KATNIP: variants seen among roughly 807,000 people sequenced by gnomAD.
KATNIP encodes the protein katanin-interacting protein.
KATNIP carries 126 observed loss-of-function variants against 174.0 expected under a neutral mutation model. That is an observed-to-expected ratio of 0.72 (90% CI 0.63 to 0.84). The LOEUF is 0.84. Ranked by LOEUF, KATNIP falls within the 40% of genes least tolerant of loss-of-function variation. The pLI, the probability that KATNIP is intolerant of heterozygous loss-of-function variation, is 0.00. For missense variants in KATNIP, 1,958 were observed against 2,109.7 expected (o/e 0.93, Z 1.41); for synonymous variants, 810 against 835.7 (o/e 0.97, Z 0.53).
rs767505623 is a variant in KATNIP at position 27,777,876 on chromosome 16, C to T, written c.4713-5C>T. On this transcript the variant is annotated splice_polypyrimidine_tract_variant and splice_region_variant and intron_variant, in intron 26 of 27. Transcript: ENST00000261588. This position sits in a 1 kb window ranked among gnomAD's most constrained non-coding sequence, Gnocchi z 4.4. ...TCGAATCTTGTGTTTCCTTCCTACC[C>T]TCAGTAATCAGGCCGAGGATCAAGA... 2 of 1,614,004 alleles carry T rather than the reference C, an allele frequency of 1.2e-6. No homozygotes were observed. Among genetic ancestry groups the T allele is most frequent in the Non-Finnish European group, 1.7e-6 (2 of 1,179,806 alleles).
chr16:27,765,168 G>GC (rs1331918405), intron 19 of KATNIP, among the ~76,000 whole-genome samples: 6 of 152,230 alleles, frequency 3.9e-5, no homozygotes, highest in African/African-American at 1.2e-4. Context: ...TCAAAAGGCT[G>GC]CCAGCTGGGC....
chr16:27,666,765 G>A (rs559500773), intron 6 of KATNIP, among the ~76,000 whole-genome samples: 19 of 152,190 alleles, frequency 1.2e-4, no homozygotes, highest in Non-Finnish European at 2.1e-4. Flanking sequence ...GGTGGTTCAC[G>A]CCTGTAATCC....
At chr16:27,674,040 A>G (rs551886912) in intron 6 of KATNIP, among the ~76,000 whole-genome samples, 69 of 152,310 alleles carry the variant, frequency 4.5e-4, no homozygotes, top group African/African-American at 1.6e-3. Flanking sequence ...AGTCCCAGCT[A>G]CACAGGAGGC....
chr16:27,661,685 G>A lies in KATNIP; in HGVS notation c.540+12950G>A, dbSNP rs924400999. Among the ~76,000 whole-genome samples, 25 of 151,112 alleles carry A rather than the reference G, an allele frequency of 1.7e-4. No individual in the cohort carries two copies. In the East Asian group the frequency reaches 3.4e-3, roughly 20 times the overall value. ...TGGGATTACAGGCGTGAGCCACTGC[G>A]CCCGGCCTGGGTTTCTTTATGTTTG... On this transcript the variant is annotated intron_variant, in intron 6 of 27. Coordinates refer to ENST00000261588, the MANE Select transcript of KATNIP (RefSeq NM_015202.5).
intron 6 of KATNIP, among the ~76,000 whole-genome samples, chr16:27,676,430 C>T (rs1300911971): frequency 6.6e-6 from 1 of 152,128 alleles, no homozygotes. Context: ...TCTATACACT[C>T]AAGGTGTTCC....
Position 27,665,606 on chromosome 16 carries a change from ATTT to A in KATNIP, c.541-12110_541-12108del, listed in dbSNP as rs773182744. ...AATATACCATGTCTGTGTTTTTATTATTTTTTTTTTTTTTTGAGACAGGACACT... is the reference window on the plus strand; with the variant it reads ...AATATACCATGTCTGTGTTTTTATTATTTTTTTTTTTTGAGACAGGACACT... On this transcript the variant is annotated intron_variant, in intron 6 of 27. Transcript: ENST00000261588. Among the ~76,000 whole-genome samples, 104 of 138,284 alleles carry A rather than the reference ATTT, an allele frequency of 7.5e-4. 1 individual carries two copies. Among genetic ancestry groups the A allele is most frequent in the African/African-American group, 2.6e-3 (97 of 37,988 alleles). The allele number at this position is 138,284 out of a possible 152,430, so 90.7% of individuals were successfully genotyped here.
chr16:27,564,519 G>A (rs1596728220), intron 1 of KATNIP, among the ~76,000 whole-genome samples: 2 of 152,038 alleles, frequency 1.3e-5, no homozygotes, highest in South Asian at 2.1e-4. Flanking sequence ...GCCAGCTGCT[G>A]TTTGGGTTTG....
At chr16:27,685,936 G>A (rs1371373864) in intron 8 of KATNIP, among the ~76,000 whole-genome samples, 1 of 152,184 alleles carries the variant, frequency 6.6e-6, no homozygotes, top group Admixed American at 6.5e-5. Flanking sequence ...GCATGTATTG[G>A]TTTATACAGA....
intron 2 of KATNIP, among the ~76,000 whole-genome samples, chr16:27,609,128 A>G (rs967772285): frequency 1.1e-4 from 17 of 152,118 alleles, no homozygotes; most frequent in African/African-American, 1.9e-4. Flanking sequence ...GTCCTCATGG[A>G]TTCATTCACT....
chr16:27,667,414 A>T (rs1212736288), intron 6 of KATNIP, among the ~76,000 whole-genome samples: 1 of 152,224 alleles, frequency 6.6e-6, no homozygotes, highest in East Asian at 1.9e-4. Context: ...TTCATGGTCC[A>T]GGCAGATTAA....
intron 6 of KATNIP, among the ~76,000 whole-genome samples, chr16:27,664,604 G>A (rs531849760): frequency 1.3e-5 from 2 of 152,272 alleles, no homozygotes; most frequent in African/African-American, 2.4e-5. Context: ...GCAAACCACC[G>A]CTGTAGGGCT....
chr16:27,608,690 A>T (rs1479251663), intron 2 of KATNIP, among the ~76,000 whole-genome samples: 1 of 151,978 alleles, frequency 6.6e-6, no homozygotes, highest in Non-Finnish European at 1.5e-5. Flanking sequence ...GCTAATTTTT[A>T]AAAAACACTT....
intron 8 of KATNIP, among the ~76,000 whole-genome samples, chr16:27,682,094 T>C (rs986575222): frequency 2.7e-4 from 41 of 152,226 alleles, no homozygotes; most frequent in African/African-American, 9.9e-4. Flanking sequence ...AAAATTTCTT[T>C]TATTTTTGTT....
intron 5 of KATNIP, among the ~76,000 whole-genome samples, chr16:27,642,043 G>C (rs1336980381): frequency 6.6e-6 from 1 of 152,216 alleles, no homozygotes; most frequent in African/African-American, 2.4e-5. Context: ...GTAGTTTCTG[G>C]GGAGGAGGGA....
intron 11 of KATNIP, among the ~76,000 whole-genome samples, chr16:27,701,979 A>AG (rs1239927837): frequency 6.6e-6 from 1 of 152,034 alleles, no homozygotes; most frequent in Admixed American, 6.6e-5. Context: ...TTTTTTGTAG[A>AG]GGGGGTCTCA....
chr16:27,652,931 C>T (rs2077161230), intron 6 of KATNIP, among the ~76,000 whole-genome samples: 1 of 151,644 alleles, frequency 6.6e-6, no homozygotes, highest in Non-Finnish European at 1.5e-5. Flanking sequence ...ATTCAAATGA[C>T]AAGGCTACCA....
chr16:27,725,916 G>A (rs2080430536), intron 14 of KATNIP, among the ~76,000 whole-genome samples: 2 of 152,166 alleles, frequency 1.3e-5, no homozygotes, highest in Non-Finnish European at 2.9e-5. Context: ...AATTGTTTTT[G>A]ATAAATGAAT....
At chr16:27,654,795 G>A (rs947295728) in intron 6 of KATNIP, 9 of 1,339,644 alleles carry the variant, frequency 6.7e-6, no homozygotes, top group Non-Finnish European at 7.9e-6. Flanking sequence ...CCGTAGCCAA[G>A]CAGCTGTGCC....
intron 14 of KATNIP, among the ~76,000 whole-genome samples, chr16:27,725,699 C>T (rs997635135): frequency 4.6e-5 from 7 of 152,166 alleles, no homozygotes; most frequent in Admixed American, 6.5e-5. Context: ...GGGCTTCCAG[C>T]AGCTCCCCAT....
Sources: gnomAD v4.1 joint callset for allele counts (sites outside exome capture counted in the v4.1 genomes callset) on GRCh38, gnomAD v4.1.1 for gene constraint, Gnocchi (gnomAD v3.1) non-coding constraint, MANE v1.5 for transcripts, NCBI Gene and HGNC (gene_info 2026-07-23, HGNC 2026-07-21) for gene names.